The following PRRC2B variants were observed in gnomAD, a reference collection of about 807,000 sequenced individuals.
The protein encoded by PRRC2B is proline rich coiled-coil 2B, also known as protein PRRC2B.
Under a neutral mutation model 242.3 loss-of-function variants are expected in PRRC2B, and 68 were observed. That is an observed-to-expected ratio of 0.28 (90% CI 0.23 to 0.34). PRRC2B has a LOEUF of 0.34. PRRC2B is among the 10% of genes least tolerant of loss of function. The pLI, the probability that PRRC2B is intolerant of heterozygous loss-of-function variation, is 1.00. For missense variants in PRRC2B, 2,835 were observed against 2,954.8 expected (o/e 0.96, Z 0.94); for synonymous variants, 1,228 against 1,173.6 (o/e 1.05, Z -0.95).
chr9:131,458,599 G>C (rs994551962), intron 10 of PRRC2B, among the ~76,000 whole-genome samples: 3 of 151,984 alleles, frequency 2.0e-5, no homozygotes, highest in Non-Finnish European at 4.4e-5. Context: ...TCACCTCTGG[G>C]GTTCAAGCAC....
chr9:131,432,965 G>T (rs921216471), intron 3 of PRRC2B, among the ~76,000 whole-genome samples, 171 bp downstream of exon 3: 17 of 152,182 alleles, frequency 1.1e-4, no homozygotes, highest in African/African-American at 3.6e-4. Context: ...TCTGGCCCTG[G>T]TGCTTCGTAT....
At chr9:131,465,521 C>T (rs1407034243) in intron 12 of PRRC2B, among the ~76,000 whole-genome samples, 4 of 152,170 alleles carry the variant, frequency 2.6e-5, no homozygotes, top group African/African-American at 4.8e-5. Context: ...CAGCACGCTC[C>T]AGTTTCTGGG....
intron 6 of PRRC2B, among the ~76,000 whole-genome samples, chr9:131,445,862 T>C (rs1261041793): frequency 1.3e-5 from 2 of 152,218 alleles, no homozygotes; most frequent in Admixed American, 6.5e-5. Flanking sequence ...TCAGCAGGTT[T>C]CCGTCTGTGA....
intron 1 of PRRC2B, among the ~76,000 whole-genome samples, chr9:131,406,757 C>T (rs117790522): frequency 5.3e-5 from 8 of 151,958 alleles, no homozygotes; most frequent in African/African-American, 1.9e-4. Context: ...CTCAGTTCAC[C>T]GAGATCTTAA....
At chr9:131,451,124 G>A (rs977166554) in intron 9 of PRRC2B, among the ~76,000 whole-genome samples, 5 of 152,174 alleles carry the variant, frequency 3.3e-5, no homozygotes, top group Non-Finnish European at 5.9e-5. Context: ...CTGAGGCCGG[G>A]CGCAGTGGCT....
At position 131,447,721 on chromosome 9, in the gene PRRC2B, G is replaced by A. The variant is rs748817516; in HGVS notation, c.1037G>A (p.Arg346Gln). Residue 346 changes from arginine (R) to glutamine (Q), a missense_variant, in exon 9 of 32, where the codon CGG becomes CAG. Arg to Gln is a conservative substitution (Grantham distance 43). Coordinates refer to ENST00000683519, the MANE Select transcript of PRRC2B (RefSeq NM_013318.4). Reference sequence around the variant, plus strand: ...CGCCCACTAAGGCAGCTGGTGGAGCGGGCACCACGGCCCACCATTATCAAT... The same window carrying A: ...CGCCCACTAAGGCAGCTGGTGGAGCAGGCACCACGGCCCACCATTATCAAT... ...PLRPLRQLVERAPRPTIINAE... is the reference protein window; with the variant it reads ...PLRPLRQLVEQAPRPTIINAE... The A allele has an allele frequency of 1.5e-5, 25 of 1,613,382 alleles. No homozygotes were observed. The Admixed American group carries it at 3.2e-4, about 20-fold the overall frequency.
intron 5 of PRRC2B, among the ~76,000 whole-genome samples, chr9:131,443,416 G>A (rs1564285675): frequency 6.6e-6 from 1 of 151,634 alleles, no homozygotes; most frequent in African/African-American, 2.4e-5. Context: ...GATTACAGGC[G>A]TGAGCCACCA....
At chr9:131,398,972 T>C (rs950958848) in intron 1 of PRRC2B, among the ~76,000 whole-genome samples, 6 of 150,796 alleles carry the variant, frequency 4.0e-5, no homozygotes, top group African/African-American at 1.5e-4. Context: ...AGTGAGACCC[T>C]GTCTCAAAAG....
chr9:131,450,183 C>A (rs1389450287), intron 9 of PRRC2B, among the ~76,000 whole-genome samples: 12 of 152,256 alleles, frequency 7.9e-5, no homozygotes, highest in African/African-American at 2.6e-4. Flanking sequence ...TTAGAATCAA[C>A]CTGTCAGTAT....
chr9:131,383,495 T>A (rs371013546), intron 1 of PRRC2B, among the ~76,000 whole-genome samples: 2 of 152,098 alleles, frequency 1.3e-5, no homozygotes, highest in East Asian at 3.9e-4. Context: ...TCCCAAGATA[T>A]TCAGGCCCAG....
chr9:131,487,160 T>C lies in PRRC2B; in HGVS notation c.5857-7T>C. ...TTACCTCCCCGACCCCGTTTTCCCG[T>C]TCACAGGCCGCCGCTGCCCAGCAGA... On this transcript the variant is annotated splice_polypyrimidine_tract_variant and splice_region_variant and intron_variant, in intron 26 of 31. Transcript: ENST00000683519. This position sits in a 1 kb window ranked among gnomAD's most constrained non-coding sequence, Gnocchi z 5.3. 1 of 1,613,308 alleles carries C rather than the reference T, an allele frequency of 6.2e-7. No homozygotes were observed. The highest frequency in any genetic ancestry group is 8.5e-7 in the Non-Finnish European group (1 of 1,179,632).
chr9:131,488,611 C>T (rs531705339), intron 28 of PRRC2B, among the ~76,000 whole-genome samples: 2 of 152,328 alleles, frequency 1.3e-5, no homozygotes, highest in Middle Eastern at 3.4e-3. Flanking sequence ...TAAGCACTGC[C>T]TGCTCCTGCA....
intron 1 of PRRC2B, 96 bp downstream of exon 1, chr9:131,394,359 GCCGGGGGC>G (rs1212857182): frequency 2.7e-5 from 4 of 146,170 alleles, no homozygotes; most frequent in Admixed American, 6.8e-5. Context: ...CGCGGCCGCC[GCCGGGGGC>G]CCGGGGGCCC....
chr9:131,477,960 C>T lies in PRRC2B; in HGVS notation c.4612+11C>T, dbSNP rs757096458. ...ACCTGAACTATGGAAGTAAGTCATC[C>T]TCATATCTTCAGGGGAAAGAACTCA... On this transcript the variant is annotated intron_variant, in intron 17 of 31. Transcript: ENST00000683519. 1.9e-6 allele frequency: 3 copies of T among 1,610,854 alleles called. No individual in the cohort carries two copies. The highest frequency in any genetic ancestry group is 2.2e-5 in the East Asian group (1 of 44,856).
At chr9:131,393,883 C>T (rs567664999), upstream of PRRC2B, among the ~76,000 whole-genome samples, 341 of 151,310 alleles carry the variant, frequency 2.3e-3, 1 homozygote, top group Non-Finnish European at 4.4e-3. Context: ...CCTCCCAGCC[C>T]CCTCCCGCCG....
intron 1 of PRRC2B, among the ~76,000 whole-genome samples, chr9:131,410,677 AT>A (rs1376650344): frequency 6.6e-6 from 1 of 152,184 alleles, no homozygotes; most frequent in Non-Finnish European, 1.5e-5. Flanking sequence ...TGAGTGGTTT[AT>A]CTATTTTGTT....
At chr9:131,491,184 C>A in intron 28 of PRRC2B, 1 of 461,434 alleles carries the variant, frequency 2.2e-6, no homozygotes, top group South Asian at 4.1e-5. Context: ...TAGTCTTGCC[C>A]GTTTTCTCAC....
intron 1 of PRRC2B, among the ~76,000 whole-genome samples, chr9:131,396,992 T>A (rs2131277317): frequency 6.6e-6 from 1 of 152,292 alleles, no homozygotes; most frequent in South Asian, 2.1e-4. Flanking sequence ...CCCGCAACCA[T>A]CTTGTTGGTT....
intron 3 of PRRC2B, among the ~76,000 whole-genome samples, chr9:131,434,032 T>C (rs969494375): frequency 6.6e-6 from 1 of 152,198 alleles, no homozygotes; most frequent in African/African-American, 2.4e-5. Flanking sequence ...TGATGGAACC[T>C]GGAGAATTGT....
Sources: gnomAD v4.1 joint callset for allele counts (sites outside exome capture counted in the v4.1 genomes callset) on GRCh38, gnomAD v4.1.1 for gene constraint, Gnocchi (gnomAD v3.1) non-coding constraint, MANE v1.5 for transcripts, NCBI Gene and HGNC (gene_info 2026-07-23, HGNC 2026-07-21) for gene names.